DPYSL5: variants seen among roughly 807,000 people sequenced by gnomAD.
DPYSL5 encodes the protein dihydropyrimidinase like 5.
Under a neutral mutation model 58.4 loss-of-function variants are expected in DPYSL5, and 9 were observed. The observed-to-expected ratio is 0.15, with a 90% CI of 0.09 to 0.27. DPYSL5 has a LOEUF of 0.27. DPYSL5 is among the 10% of genes least tolerant of loss of function. The probability of loss-of-function intolerance (pLI) is 1.00; values close to 1 mark genes in which losing one functional copy is unlikely to be tolerated. For synonymous variants in DPYSL5, 293 were observed against 301.9 expected, an observed-to-expected ratio of 0.97 and a Z score of 0.31; for missense variants, 499 against 770.6, an observed-to-expected ratio of 0.65 and a Z score of 4.17.
Position 26,942,410 on chromosome 2 carries a change from C to A in DPYSL5, c.1233-133C>A. The A allele has an allele frequency of 9.4e-7, 1 of 1,063,852 alleles. No individual in the cohort carries two copies. The highest frequency in any genetic ancestry group is 1.4e-6 in the Non-Finnish European group (1 of 734,212). 65.9% of individuals were successfully genotyped at this position (1,063,852 alleles called of 1,614,324 possible). A position where few individuals can be genotyped will look rare whatever the true frequency, so the allele number is the denominator to read the frequency against. The stretch of plus-strand genomic sequence containing the variant: ...TGTTCTGAGGTTCTGGGTGTTAGAA[C>A]TTCAGCAGAAGAATTTTGAAGGGAG... On this transcript the variant is annotated intron_variant, in intron 10 of 12. Transcript: ENST00000288699. This position sits in a 1 kb window ranked among gnomAD's most constrained non-coding sequence, Gnocchi z 5.9.
intron 2 of DPYSL5, among the ~76,000 whole-genome samples, chr2:26,901,673 G>A (rs568692319): frequency 2.8e-4 from 42 of 152,172 alleles, no homozygotes; most frequent in African/African-American, 9.2e-4. Flanking sequence ...AATCTCACCC[G>A]AACGATTAGC....
chr2:26,853,882 TA>T (rs1004363031), intron 1 of DPYSL5, among the ~76,000 whole-genome samples: 4 of 151,568 alleles, frequency 2.6e-5, no homozygotes, highest in African/African-American at 9.7e-5. Flanking sequence ...CTACAAAAGT[TA>T]AAAAAAATTA....
Position 26,898,474 on chromosome 2 carries a change from G to T in DPYSL5, c.-4-22G>T. On this transcript the variant is annotated intron_variant, in intron 1 of 12. Transcript: ENST00000288699. This position sits in a 1 kb window ranked among gnomAD's most constrained non-coding sequence, Gnocchi z 6.1. ...AACAGTGAGAAGGGACTTTGACCTTGACCATGCTCACCTTCTTGTAGGAAC... is the reference window on the plus strand; with the variant it reads ...AACAGTGAGAAGGGACTTTGACCTTTACCATGCTCACCTTCTTGTAGGAAC... 2 of 1,609,446 alleles carry T rather than the reference G, an allele frequency of 1.2e-6. No individual in the cohort carries two copies. Among genetic ancestry groups the T allele is most frequent in the South Asian group, 2.2e-5 (2 of 90,596 alleles).
At chr2:26,872,134 T>C (rs1239490160) in intron 1 of DPYSL5, among the ~76,000 whole-genome samples, 1 of 152,214 alleles carries the variant, frequency 6.6e-6, no homozygotes. Flanking sequence ...CTGAAATCAC[T>C]TGTACACGTG....
chr2:26,941,540 G>T (rs1665322277), intron 9 of DPYSL5, among the ~76,000 whole-genome samples: 1 of 152,208 alleles, frequency 6.6e-6, no homozygotes. Context: ...CTTGAAGAGA[G>T]TCCATAGTAC....
chr2:26,883,871 G>T (rs935207534), intron 1 of DPYSL5, among the ~76,000 whole-genome samples: 3 of 152,164 alleles, frequency 2.0e-5, no homozygotes, highest in Admixed American at 2.0e-4. Context: ...CCGGGTTTGT[G>T]GTCCTTTCAT....
intron 1 of DPYSL5, among the ~76,000 whole-genome samples, chr2:26,851,313 A>G (rs145932647): frequency 0.042 from 2,032 of 48,752 alleles, 48 homozygotes; most frequent in African/African-American, 0.25. Context: ...TCCATAGACA[A>G]GGAATGCCGG....
At chr2:26,901,035 T>C (rs1015881823) in intron 2 of DPYSL5, among the ~76,000 whole-genome samples, 1 of 151,908 alleles carries the variant, frequency 6.6e-6, no homozygotes, top group African/African-American at 2.4e-5. Context: ...AGGTGGTGAG[T>C]AACTCTTGAT....
chr2:26,928,687 G>GTGTGTATATATATATATATATATATA (rs143828804), intron 5 of DPYSL5, among the ~76,000 whole-genome samples: 1 of 60,682 alleles, frequency 1.6e-5, no homozygotes, highest in African/African-American at 5.9e-5. Flanking sequence ...AGGTGATAGA[G>GTGTGTATATATATATATATATATATA]TATATATATA....
intron 11 of DPYSL5, among the ~76,000 whole-genome samples, chr2:26,943,908 C>T (rs1255168868): frequency 6.6e-6 from 1 of 152,216 alleles, no homozygotes; most frequent in Non-Finnish European, 1.5e-5. Flanking sequence ...AGCCTCTGTT[C>T]CCTCAGAGTT....
Position 26,942,119 on chromosome 2 carries a change from C to G in DPYSL5, c.1232+27C>G. On this transcript the variant is annotated intron_variant, in intron 10 of 12. Transcript: ENST00000288699. This position sits in a 1 kb window ranked among gnomAD's most constrained non-coding sequence, Gnocchi z 5.9. ...TAAAGTTTGTTGCTCGTCCCCAGGG[C>G]TAGAGGGGCTTGGGATTTTGAAGAA... 6 of 1,611,760 alleles carry G rather than the reference C, an allele frequency of 3.7e-6. No individual in the cohort carries two copies. The highest frequency in any genetic ancestry group is 5.1e-6 in the Non-Finnish European group (6 of 1,179,008).
At chr2:26,931,187 GTGTGTGTGTGTGTGTGTA>G (rs1664970809) in intron 5 of DPYSL5, among the ~76,000 whole-genome samples, 3 of 61,922 alleles carry the variant, frequency 4.8e-5, no homozygotes, top group Non-Finnish European at 3.5e-5. Context: ...GTGTGTGTGT[GTGTGTGTGTGTGTGTGTA>G]TATATATATA....
chr2:26,909,024 T>C (rs1055413496), intron 2 of DPYSL5, among the ~76,000 whole-genome samples: 1 of 152,216 alleles, frequency 6.6e-6, no homozygotes, highest in African/African-American at 2.4e-5. Flanking sequence ...GAAGTTGCCA[T>C]ATTTGTGTTG....
Position 26,942,148 on chromosome 2 carries a change from T to TC in DPYSL5, c.1232+56_1232+57insC. 1 of 1,606,078 alleles carries TC rather than the reference T, an allele frequency of 6.2e-7. No individual in the cohort carries two copies. The highest frequency in any genetic ancestry group is 8.5e-7 in the Non-Finnish European group (1 of 1,175,960). ...AGGGGCTTGGGATTTTGAAGAAGACTTGCATTACAGATCTCCAAAAGCATA... is the reference window on the plus strand; with the variant it reads ...AGGGGCTTGGGATTTTGAAGAAGACTCTGCATTACAGATCTCCAAAAGCATA... On this transcript the variant is annotated intron_variant, in intron 10 of 12. Coordinates refer to ENST00000288699, the MANE Select transcript of DPYSL5 (RefSeq NM_020134.4). This position sits in a 1 kb window ranked among gnomAD's most constrained non-coding sequence, Gnocchi z 5.9.
chr2:26,935,368 G>T (rs1384495157), intron 8 of DPYSL5, among the ~76,000 whole-genome samples: 1 of 152,140 alleles, frequency 6.6e-6, no homozygotes, highest in Non-Finnish European at 1.5e-5. Context: ...CCCAATAACT[G>T]CTTGCAGCTT....
chr2:26,918,439 C>G (rs1664627880), intron 2 of DPYSL5, among the ~76,000 whole-genome samples: 1 of 151,654 alleles, frequency 6.6e-6, no homozygotes. Flanking sequence ...AAGGAGGTTA[C>G]CATGAGCAAT....
At chr2:26,912,132 C>T (rs1325072523) in intron 2 of DPYSL5, among the ~76,000 whole-genome samples, 1 of 152,242 alleles carries the variant, frequency 6.6e-6, no homozygotes, top group Non-Finnish European at 1.5e-5. Flanking sequence ...AGAGCACTTC[C>T]ACACCCATTC....
At chr2:26,908,649 A>G (rs1224400242) in intron 2 of DPYSL5, among the ~76,000 whole-genome samples, 1 of 152,264 alleles carries the variant, frequency 6.6e-6, no homozygotes, top group Non-Finnish European at 1.5e-5. Flanking sequence ...AGAATTTATC[A>G]ATGCAGATTA....
At chr2:26,875,749 G>A (rs1663395533) in intron 1 of DPYSL5, among the ~76,000 whole-genome samples, 1 of 152,150 alleles carries the variant, frequency 6.6e-6, no homozygotes, top group Non-Finnish European at 1.5e-5. Context: ...AGGAGATCTG[G>A]CCAGCCTTTC....
Sources: gnomAD v4.1 joint callset for allele counts (sites outside exome capture counted in the v4.1 genomes callset) on GRCh38, gnomAD v4.1.1 for gene constraint, Gnocchi (gnomAD v3.1) non-coding constraint, MANE v1.5 for transcripts, NCBI Gene and HGNC (gene_info 2026-07-23, HGNC 2026-07-21) for gene names.